PACRGL: variants seen among roughly 807,000 people sequenced by gnomAD.
PACRGL encodes PACRG-like protein.
In PACRGL, 38 loss-of-function variants were observed where a neutral mutation model predicts 34.5. That is an observed-to-expected ratio of 1.10 (90% confidence interval 0.85 to 1.44). PACRGL has a LOEUF of 1.44. Among genes scored for constraint, PACRGL ranks in the 40% most tolerant of loss-of-function variants. The pLI, the probability that PACRGL is intolerant of heterozygous loss-of-function variation, is 0.00. For missense variants in PACRGL, 305 were observed against 281.4 expected (o/e 1.08, Z -0.60); for synonymous variants, 128 against 100.1 (o/e 1.28, Z -1.66).
upstream of PACRGL, among the ~76,000 whole-genome samples, chr4:20,699,978 G>A (rs1445841566): frequency 6.6e-6 from 1 of 152,104 alleles, no homozygotes; most frequent in Non-Finnish European, 1.5e-5. Context: ...TCCACAGCTA[G>A]GCTTATGATT....
Position 20,727,801 on chromosome 4 carries a change from A to G in PACRGL, c.*460A>G, listed in dbSNP as rs2149220560. 6.4e-6 allele frequency: 1 copy of G among 156,328 alleles called. No homozygotes were observed. Among genetic ancestry groups the G allele is most frequent in the African/African-American group, 2.4e-5 (1 of 41,610 alleles). The allele number at this position is 156,328 out of a possible 1,614,324, so 9.7% of individuals were successfully genotyped here. A position where few individuals can be genotyped will look rare whatever the true frequency, so the allele number is the denominator to read the frequency against. On this transcript the variant is annotated 3_prime_UTR_variant, in exon 9 of 9. Coordinates refer to ENST00000503585, the MANE Select transcript of PACRGL (RefSeq NM_001258345.3). ...ATACACTTTTAAAAAATTGTTTTAAAAGAGAAAAGCGGTCTTGCTTTGTTG... is the reference window on the plus strand; with the variant it reads ...ATACACTTTTAAAAAATTGTTTTAAGAGAGAAAAGCGGTCTTGCTTTGTTG...
chr4:20,711,640 C>T (rs189753267), intron 5 of PACRGL, among the ~76,000 whole-genome samples: 5 of 152,242 alleles, frequency 3.3e-5, no homozygotes, highest in Admixed American at 1.3e-4. Context: ...GATTATATTT[C>T]TTCATAGATA....
chr4:20,729,154 G>C lies in PACRGL; in HGVS notation c.*1813G>C, dbSNP rs191885171. On this transcript the variant is annotated 3_prime_UTR_variant, in exon 9 of 9. Transcript: ENST00000503585. ...GGCTTGTAATATAAATAAACATGCTGTAAGGAAGTCAGGGGAAAGAGGACA... is the reference window on the plus strand; with the variant it reads ...GGCTTGTAATATAAATAAACATGCTCTAAGGAAGTCAGGGGAAAGAGGACA... The C allele has an allele frequency of 1.1e-3, 161 of 152,596 alleles. 1 individual carries two copies. The highest frequency in any genetic ancestry group is 5.1e-4 in the Non-Finnish European group (35 of 68,024). 9.5% of individuals were successfully genotyped at this position (152,596 alleles called of 1,614,324 possible). A position where few individuals can be genotyped will look rare whatever the true frequency, so the allele number is the denominator to read the frequency against.
chr4:20,711,811 TC>T (rs1195624318), intron 5 of PACRGL, among the ~76,000 whole-genome samples: 1 of 152,160 alleles, frequency 6.6e-6, no homozygotes, highest in Admixed American at 6.5e-5. Context: ...TGAGATATGA[TC>T]TACAGTTTTT....
At position 20,730,391 on chromosome 4, in the gene PACRGL, A is replaced by C. The variant is rs114725902; in HGVS notation, c.*3050A>C. Among the ~76,000 whole-genome samples the C allele has an allele frequency of 1.1e-3, 162 of 152,268 alleles. No homozygotes were observed. Among genetic ancestry groups the C allele is most frequent in the African/African-American group, 3.6e-3 (151 of 41,542 alleles). On this transcript the variant is annotated 3_prime_UTR_variant, in exon 9 of 9. Transcript: ENST00000503585. ...TTATTTAAATCTTTACTTGGTATTA[A>C]TAGAGGATATTTCTCAAATCATAAT...
rs1255766540 is a variant in PACRGL at position 20,729,350 on chromosome 4, C to CTGTAAGAAAGATTGAACA, written c.*2010_*2027dup. 2.0e-5 allele frequency: 3 copies of CTGTAAGAAAGATTGAACA among 152,078 alleles called. No individual in the cohort carries two copies. Among genetic ancestry groups the CTGTAAGAAAGATTGAACA allele is most frequent in the Non-Finnish European group, 4.4e-5 (3 of 67,962 alleles). 9.4% of individuals were successfully genotyped at this position (152,078 alleles called of 1,614,324 possible). ...AATGATTGATACAATAGAAAACAGC[C>CTGTAAGAAAGATTGAACA]TGTAAGAAAGATTGAACAAATCCAA... On this transcript the variant is annotated 3_prime_UTR_variant, in exon 9 of 9. Coordinates refer to ENST00000503585, the MANE Select transcript of PACRGL (RefSeq NM_001258345.3).
chr4:20,730,035 T>C lies in PACRGL; in HGVS notation c.*2694T>C. The C allele has an allele frequency of 6.3e-7, 1 of 1,581,542 alleles. No homozygotes were observed. On this transcript the variant is annotated 3_prime_UTR_variant, in exon 9 of 9. Transcript: ENST00000503585. Reference sequence around the variant, plus strand: ...GTGGTAGCTCCAACTTTAAGGGTGGTAGAATAGTTCACATTTGTCTGTTGG... The same window carrying C: ...GTGGTAGCTCCAACTTTAAGGGTGGCAGAATAGTTCACATTTGTCTGTTGG...
chr4:20,756,608 C>T (rs576308625), downstream of PACRGL, among the ~76,000 whole-genome samples: 2 of 151,906 alleles, frequency 1.3e-5, no homozygotes, highest in African/African-American at 2.4e-5. Flanking sequence ...TTCTTCTCAT[C>T]GTCCTTTTCA....
chr4:20,764,372 A>T, the PACRGL span, among the ~76,000 whole-genome samples: 2,194 of 152,236 alleles, frequency 0.014, 49 homozygotes, highest in African/African-American at 0.05. Flanking sequence ...TAGTGACTGC[A>T]TAATAATGCA....
In PACRGL at chr4:20,731,820, C is replaced by T. The variant is rs969220319; in HGVS notation, c.*4479C>T. 5 of 985,256 alleles carry T rather than the reference C, an allele frequency of 5.1e-6. No individual in the cohort carries two copies. In the African/African-American group the frequency reaches 8.7e-5, roughly 17 times the overall value. The allele number at this position is 985,256 out of a possible 1,614,324, so 61.0% of individuals were successfully genotyped here. A position where few individuals can be genotyped will look rare whatever the true frequency, so the allele number is the denominator to read the frequency against. ...CCTCCATAGCCTGACTCAGTGGGCACTCTAAATGTTGATTATGTAATTGGT... is the reference window on the plus strand; with the variant it reads ...CCTCCATAGCCTGACTCAGTGGGCATTCTAAATGTTGATTATGTAATTGGT... On this transcript the variant is annotated 3_prime_UTR_variant, in exon 9 of 9. Coordinates refer to ENST00000503585, the MANE Select transcript of PACRGL (RefSeq NM_001258345.3).
At chr4:20,767,306 G>A in the PACRGL span, 2 of 152,146 alleles carry the variant, frequency 1.3e-5, no homozygotes, top group Non-Finnish European at 2.9e-5. Context: ...AAGGAATATT[G>A]TAATTGTAAA....
Position 20,730,017 on chromosome 4 carries a change from C to T in PACRGL, c.*2676C>T. 2 of 1,537,774 alleles carry T rather than the reference C, an allele frequency of 1.3e-6. No individual in the cohort carries two copies. Among genetic ancestry groups the T allele is most frequent in the Non-Finnish European group, 1.7e-6 (2 of 1,143,574 alleles). On this transcript the variant is annotated 3_prime_UTR_variant, in exon 9 of 9. Transcript: ENST00000503585. ...GAGCAATCTATGCTAAAAGTGGTAG[C>T]TCCAACTTTAAGGGTGGTAGAATAG...
intron 7 of PACRGL, among the ~76,000 whole-genome samples, chr4:20,722,877 G>T (rs1164089829): frequency 6.6e-6 from 1 of 152,168 alleles, no homozygotes. Flanking sequence ...CTCCCTGTCT[G>T]CATTCTTCTG....
At chr4:20,719,485 C>G (rs958911002) in intron 7 of PACRGL, among the ~76,000 whole-genome samples, 1 of 152,188 alleles carries the variant, frequency 6.6e-6, no homozygotes. Context: ...AAATTTCCCT[C>G]TACACACTGC....
At chr4:20,743,826 A>G (rs1751752685) in intron 8 of PACRGL, among the ~76,000 whole-genome samples, 2 of 152,174 alleles carry the variant, frequency 1.3e-5, no homozygotes, top group African/African-American at 4.8e-5. Flanking sequence ...CATCAGAGTG[A>G]ACAGGCAACC....
chr4:20,748,171 C>G (rs1459132959), intron 8 of PACRGL, among the ~76,000 whole-genome samples: 14 of 152,140 alleles, frequency 9.2e-5, no homozygotes, highest in Admixed American at 9.2e-4. Flanking sequence ...GTCCAATCTC[C>G]TGCCTAAGAC....
At chr4:20,761,296 T>C in the PACRGL span, among the ~76,000 whole-genome samples, 2 of 152,194 alleles carry the variant, frequency 1.3e-5, no homozygotes, top group Admixed American at 6.5e-5. Flanking sequence ...TAAGTCTCTT[T>C]ATACTCACAC....
At chr4:20,761,819 A>T in the PACRGL span, among the ~76,000 whole-genome samples, 83 of 152,334 alleles carry the variant, frequency 5.4e-4, no homozygotes, top group Admixed American at 3.9e-4. Context: ...TGCCAAATGA[A>T]AACTACTGGC....
chr4:20,764,198 T>C, the PACRGL span, among the ~76,000 whole-genome samples: 1 of 152,088 alleles, frequency 6.6e-6, no homozygotes, highest in Non-Finnish European at 1.5e-5. Flanking sequence ...AGAAAAAAAT[T>C]AAAGAAAATG....
Sources: gnomAD v4.1 joint callset for allele counts (sites outside exome capture counted in the v4.1 genomes callset) on GRCh38, gnomAD v4.1.1 for gene constraint, MANE v1.5 for transcripts, NCBI Gene and HGNC (gene_info 2026-07-23, HGNC 2026-07-21) for gene names.